The following ALK variants were observed in gnomAD, a reference collection of about 807,000 sequenced individuals.
ALK encodes ALK receptor tyrosine kinase.
ALK carries 74 observed loss-of-function variants against 163.1 expected under a neutral mutation model. That is an observed-to-expected ratio of 0.45 (90% CI 0.38 to 0.55). The LOEUF (loss-of-function observed/expected upper bound fraction) is 0.55. ALK is among the 20% of genes least tolerant of loss of function. The pLI is 0.00. For synonymous variants in ALK, 960 were observed against 843.2 expected (o/e 1.14, Z -2.40); for missense variants, 2,063 against 2,105.3 (o/e 0.98, Z 0.39).
chr2:29,538,260 T>A (rs1419268789), intron 3 of ALK, among the ~76,000 whole-genome samples: 1 of 152,164 alleles, frequency 6.6e-6, no homozygotes, highest in Non-Finnish European at 1.5e-5. Flanking sequence ...GAAATGTGAT[T>A]CCCAATGTTG....
At chr2:29,535,747 T>G (rs1673235230) in intron 3 of ALK, among the ~76,000 whole-genome samples, 1 of 152,182 alleles carries the variant, frequency 6.6e-6, no homozygotes, top group Non-Finnish European at 1.5e-5. Flanking sequence ...ATACAGTCTC[T>G]CTAAGGATTC....
At chr2:29,807,402 C>A (rs1664648076) in intron 1 of ALK, among the ~76,000 whole-genome samples, 1 of 152,200 alleles carries the variant, frequency 6.6e-6, no homozygotes, top group African/African-American at 2.4e-5. Context: ...GGTGGCAGCC[C>A]TCAGGAAGAG....
At chr2:29,547,395 G>A (rs751228876) in intron 3 of ALK, among the ~76,000 whole-genome samples, 13 of 152,148 alleles carry the variant, frequency 8.5e-5, no homozygotes, top group Non-Finnish European at 1.6e-4. Flanking sequence ...TCAGGAGTTC[G>A]AGATCAGCCT....
chr2:29,422,802 T>C (rs141653076), intron 4 of ALK, among the ~76,000 whole-genome samples: 11 of 152,296 alleles, frequency 7.2e-5, no homozygotes, highest in South Asian at 2.1e-4. Flanking sequence ...GTTTTACTCT[T>C]CCTACAGATA....
At position 29,296,922 on chromosome 2, in the gene ALK, A is replaced by G; in HGVS notation, c.1783T>C (p.Trp595Arg). 1 of 1,614,200 alleles carries G rather than the reference A, an allele frequency of 6.2e-7. No homozygotes were observed. The highest frequency in any genetic ancestry group is 1.3e-5 in the African/African-American group (1 of 75,064). ...AAYEGLSLWQ[W>R]MVLPLLDVSD... ...ACATCGAGGAGAGGCAACACCATCC[A>G]CTGCCACAGGCTCAAGCCTTCATAG... Residue 595 changes from tryptophan (W) to arginine (R), a missense_variant, in exon 9 of 29, where the codon TGG becomes CGG. Trp to Arg is a moderately radical substitution (Grantham distance 101). Around this residue, in one of 5 missense-constraint regions of ALK, gnomAD observed 987 missense variants for 939.5 expected, o/e 1.05. Coordinates refer to ENST00000389048, the MANE Select transcript of ALK (RefSeq NM_004304.5).
chr2:29,903,111 TAAGTCTTTA>T (rs1667457531), intron 1 of ALK, among the ~76,000 whole-genome samples: 1 of 152,216 alleles, frequency 6.6e-6, no homozygotes, highest in African/African-American at 2.4e-5. Flanking sequence ...CATTAGACTT[TAAGTCTTTA>T]AAGTCAGGGA....
intron 11 of ALK, among the ~76,000 whole-genome samples, chr2:29,258,605 T>C (rs1665008462): frequency 6.6e-6 from 1 of 152,242 alleles, no homozygotes; most frequent in Non-Finnish European, 1.5e-5. Flanking sequence ...AATTAACTGT[T>C]TGTACATTAT....
At chr2:29,466,723 T>C (rs1671222916) in intron 4 of ALK, among the ~76,000 whole-genome samples, 1 of 152,184 alleles carries the variant, frequency 6.6e-6, no homozygotes, top group Non-Finnish European at 1.5e-5. Flanking sequence ...AGTTTTACAT[T>C]TGATGAAAAT....
chr2:29,833,929 C>G (rs1468343339), intron 1 of ALK, among the ~76,000 whole-genome samples: 1 of 152,144 alleles, frequency 6.6e-6, no homozygotes, highest in African/African-American at 2.4e-5. Flanking sequence ...TTGACATTAC[C>G]AATATCAACT....
chr2:29,374,596 C>T (rs968568683), intron 5 of ALK, among the ~76,000 whole-genome samples: 6 of 152,046 alleles, frequency 3.9e-5, no homozygotes, highest in African/African-American at 1.4e-4. Context: ...TGAGTGGAGA[C>T]TTAGAGAAAA....
In ALK at chr2:29,788,966, C is replaced by A. The variant is rs116845636; in HGVS notation, c.668-71269G>T. The stretch of plus-strand genomic sequence containing the variant: ...TTCTTCCTTCCACCACCAACTTTAG[C>A]TAAGTTTTGCAAACGGCCGAGTCTA... On this transcript the variant is annotated intron_variant, in intron 1 of 28. Transcript: ENST00000389048. 1.2e-4 allele frequency among the ~76,000 whole-genome samples: 18 copies of A among 150,956 alleles called. No individual in the cohort carries two copies. The East Asian group carries it at 3.3e-3, about 28-fold the overall frequency.
intron 1 of ALK, among the ~76,000 whole-genome samples, chr2:29,866,331 G>T (rs1666433679): frequency 1.3e-5 from 2 of 152,170 alleles, no homozygotes; most frequent in East Asian, 3.9e-4. Context: ...TTGAAAGGAA[G>T]GGCAGTCAGC....
At chr2:29,834,603 T>C (rs976817060) in intron 1 of ALK, among the ~76,000 whole-genome samples, 4 of 151,906 alleles carry the variant, frequency 2.6e-5, no homozygotes, top group Admixed American at 2.6e-4. Flanking sequence ...AAAATCAAGA[T>C]GAAAAACTGA....
intron 3 of ALK, among the ~76,000 whole-genome samples, chr2:29,549,162 G>GCA (rs879543626): frequency 9.6e-5 from 10 of 103,808 alleles, no homozygotes; most frequent in East Asian, 2.6e-4. Context: ...ACACACACAC[G>GCA]CACACACACA....
chr2:29,249,767 G>A (rs1015884008), intron 12 of ALK, among the ~76,000 whole-genome samples: 2 of 152,178 alleles, frequency 1.3e-5, no homozygotes, highest in South Asian at 2.1e-4. Context: ...TGGGCCCCAC[G>A]GAGGCTTGGC....
intron 1 of ALK, among the ~76,000 whole-genome samples, chr2:29,736,154 G>A (rs72851969): frequency 6.6e-6 from 1 of 151,942 alleles, no homozygotes; most frequent in Non-Finnish European, 1.5e-5. Flanking sequence ...AGAGCCATTA[G>A]AGATAATGTT....
intron 5 of ALK, among the ~76,000 whole-genome samples, chr2:29,329,602 C>T (rs1459759759): frequency 6.6e-6 from 1 of 152,212 alleles, no homozygotes; most frequent in Non-Finnish European, 1.5e-5. Context: ...CCCCACTTGG[C>T]TAAGTCCCCC....
At chr2:29,598,087 G>C (rs1675265858) in intron 3 of ALK, among the ~76,000 whole-genome samples, 1 of 152,224 alleles carries the variant, frequency 6.6e-6, no homozygotes, top group African/African-American at 2.4e-5. Flanking sequence ...GAGTGCAATG[G>C]TGCGATCTTG....
chr2:29,448,134 T>C lies in ALK; in HGVS notation c.1155-64275A>G, dbSNP rs551254459. ...TCAAAGCTATACCATACTGACTTTT[T>C]TTCCTTTTGTATTTCACTGCTAACG... On this transcript the variant is annotated intron_variant, in intron 4 of 28. Coordinates refer to ENST00000389048, the MANE Select transcript of ALK (RefSeq NM_004304.5). Among the ~76,000 whole-genome samples the C allele has an allele frequency of 5.6e-4, 85 of 152,322 alleles. No homozygotes were observed. The South Asian group carries it at 0.017, about 31-fold the overall frequency.
Sources: allele counts gnomAD v4.1 joint callset (sites outside exome capture counted in the v4.1 genomes callset), GRCh38; gene constraint gnomAD v4.1.1; regional missense constraint gnomAD v4.1.1; transcripts MANE v1.5; gene names NCBI Gene and HGNC (gene_info 2026-07-23, HGNC 2026-07-21).